Variants in KHDRBS2 observed in about 807,000 individuals in gnomAD.
KHDRBS2 encodes the protein KH domain-containing, RNA-binding, signal transduction-associated protein 2.
A neutral mutation model predicts 44.3 loss-of-function variants in KHDRBS2; 26 were observed. The ratio of observed to expected loss-of-function variants is 0.59; its 90% CI spans 0.43 to 0.81. The LOEUF (loss-of-function observed/expected upper bound fraction) is 0.81. Ranked by LOEUF, KHDRBS2 falls within the 40% of genes least tolerant of loss-of-function variation. KHDRBS2 has a pLI of 0.00. For synonymous variants in KHDRBS2, 194 were observed against 151.1 expected, an observed-to-expected ratio of 1.28 and a Z score of -2.08; for missense variants, 476 against 433.1, an observed-to-expected ratio of 1.10 and a Z score of -0.88.
At chr6:61,845,556 C>A (rs756897555) in intron 6 of KHDRBS2, among the ~76,000 whole-genome samples, 2 of 152,146 alleles carry the variant, frequency 1.3e-5, no homozygotes, top group Non-Finnish European at 2.9e-5. Flanking sequence ...TGTCGGCCCG[C>A]CTTGGCCTCC....
intron 2 of KHDRBS2, among the ~76,000 whole-genome samples, chr6:62,071,430 A>T (rs1227644877): frequency 2.0e-5 from 3 of 152,136 alleles, no homozygotes; most frequent in African/African-American, 4.8e-5. Flanking sequence ...CTATGTCCTG[A>T]ATGGTATTGC....
intron 2 of KHDRBS2, among the ~76,000 whole-genome samples, chr6:62,104,906 T>C (rs1376234667): frequency 6.6e-6 from 1 of 151,862 alleles, no homozygotes; most frequent in African/African-American, 2.4e-5. Flanking sequence ...AGACTTGTAA[T>C]GAAAGAAAAG....
chr6:61,876,678 T>C (rs1480629355), intron 6 of KHDRBS2, among the ~76,000 whole-genome samples: 1 of 152,194 alleles, frequency 6.6e-6, no homozygotes, highest in East Asian at 1.9e-4. Flanking sequence ...TATGTATCTT[T>C]AAATTAAAAG....
At chr6:61,776,194 G>T (rs941661847) in intron 6 of KHDRBS2, among the ~76,000 whole-genome samples, 40 of 152,098 alleles carry the variant, frequency 2.6e-4, no homozygotes, top group Admixed American at 9.2e-4. Context: ...AACCCTAGAA[G>T]AAAACGTAGG....
intron 2 of KHDRBS2, among the ~76,000 whole-genome samples, chr6:62,080,973 T>A (rs1263049639): frequency 2.0e-5 from 3 of 152,102 alleles, no homozygotes; most frequent in Non-Finnish European, 4.4e-5. Context: ...ACGGTAAGGC[T>A]CCCCACTGTT....
At chr6:61,884,791 CA>C (rs1800694949) in intron 6 of KHDRBS2, among the ~76,000 whole-genome samples, 1 of 151,992 alleles carries the variant, frequency 6.6e-6, no homozygotes, top group South Asian at 2.1e-4. Context: ...TTAGTACCAG[CA>C]AGAAACTAAG....
intron 2 of KHDRBS2, among the ~76,000 whole-genome samples, chr6:62,087,495 T>G (rs932473289): frequency 6.6e-6 from 1 of 151,402 alleles, no homozygotes; most frequent in Non-Finnish European, 1.5e-5. Context: ...CAAAAAGAAA[T>G]AAAAAAAGAT....
At chr6:61,839,494 G>T (rs899067263) in intron 6 of KHDRBS2, among the ~76,000 whole-genome samples, 4 of 152,082 alleles carry the variant, frequency 2.6e-5, no homozygotes, top group African/African-American at 9.7e-5. Flanking sequence ...ATAGTCAACT[G>T]TAAAGGATTC....
intron 2 of KHDRBS2, among the ~76,000 whole-genome samples, chr6:62,096,058 G>A (rs1257180359): frequency 2.6e-5 from 4 of 151,794 alleles, no homozygotes; most frequent in South Asian, 4.1e-4. Flanking sequence ...CGTATCCCTG[G>A]GATGAATCCC....
chr6:62,178,672 T>G (rs544189393), intron 1 of KHDRBS2, among the ~76,000 whole-genome samples: 21 of 151,624 alleles, frequency 1.4e-4, no homozygotes, highest in African/African-American at 4.6e-4. Context: ...GTAAAATAAG[T>G]GTTTTGGAGA....
chr6:61,946,426 G>A (rs1181499857), intron 4 of KHDRBS2, among the ~76,000 whole-genome samples: 1 of 152,168 alleles, frequency 6.6e-6, no homozygotes, highest in Non-Finnish European at 1.5e-5. Flanking sequence ...CCTGTGTACA[G>A]GAGAGTGCTC....
At chr6:61,663,762 C>T in the KHDRBS2 span, among the ~76,000 whole-genome samples, 1 of 151,140 alleles carries the variant, frequency 6.6e-6, no homozygotes, top group South Asian at 2.1e-4. Context: ...TGTTTATGTG[C>T]TACTTTTACA....
At chr6:61,739,043 A>T (rs2127563134) in intron 6 of KHDRBS2, among the ~76,000 whole-genome samples, 1 of 152,056 alleles carries the variant, frequency 6.6e-6, no homozygotes, top group South Asian at 2.1e-4. Context: ...CTATGCACAT[A>T]TACATACAAA....
chr6:62,029,321 C>CTT (rs561505661), intron 3 of KHDRBS2, among the ~76,000 whole-genome samples: 3 of 150,434 alleles, frequency 2.0e-5, no homozygotes, highest in African/African-American at 7.3e-5. Context: ...TGGATGGGGA[C>CTT]TTTTTTTTTA....
chr6:62,164,757 C>A (rs1818331213), intron 2 of KHDRBS2, among the ~76,000 whole-genome samples: 1 of 151,658 alleles, frequency 6.6e-6, no homozygotes, highest in South Asian at 2.1e-4. Flanking sequence ...GCAAAATTGC[C>A]CTCTAAAATA....
At chr6:61,576,347 T>G in the KHDRBS2 span, among the ~76,000 whole-genome samples, 1 of 152,166 alleles carries the variant, frequency 6.6e-6, no homozygotes, top group African/African-American at 2.4e-5. Flanking sequence ...TTGTAGCTAT[T>G]GTAAATGGGA....
chr6:61,783,915 G>C (rs1783410545), intron 6 of KHDRBS2, among the ~76,000 whole-genome samples: 2 of 151,810 alleles, frequency 1.3e-5, no homozygotes, highest in African/African-American at 4.8e-5. Context: ...ATAATATCAG[G>C]CATCATTCTT....
intron 4 of KHDRBS2, among the ~76,000 whole-genome samples, chr6:61,923,566 A>G (rs1404995671): frequency 1.3e-5 from 2 of 152,168 alleles, no homozygotes; most frequent in Admixed American, 6.6e-5. Context: ...CAAATTAAAA[A>G]TGAAAAACCA....
intron 7 of KHDRBS2, among the ~76,000 whole-genome samples, chr6:61,718,648 A>G (rs963210018): frequency 1.3e-5 from 2 of 152,020 alleles, no homozygotes; most frequent in Non-Finnish European, 2.9e-5. Flanking sequence ...TCAGGATAGA[A>G]ACTCCCTGTA....
Sources: allele counts gnomAD v4.1 joint callset (sites outside exome capture counted in the v4.1 genomes callset), GRCh38; gene constraint gnomAD v4.1.1; transcripts MANE v1.5; gene names NCBI Gene and HGNC (gene_info 2026-07-23, HGNC 2026-07-21).